RGS3: variants seen among roughly 807,000 people sequenced by gnomAD.
RGS3 encodes the protein regulator of G-protein signalling 3.
Under a neutral mutation model 132.6 loss-of-function variants are expected in RGS3, and 80 were observed. The ratio of observed to expected loss-of-function variants is 0.60; its 90% CI spans 0.50 to 0.73. The LOEUF is 0.73. RGS3 is among the 30% of genes least tolerant of loss of function. The probability of loss-of-function intolerance (pLI) is 0.00; values close to 1 mark genes in which losing one functional copy is unlikely to be tolerated. For synonymous variants in RGS3, 598 were observed against 620.6 expected (o/e 0.96, Z 0.54); for missense variants, 1,382 against 1,530.8 (o/e 0.90, Z 1.62).
At chr9:113,511,995 G>A (rs1831425236) in intron 14 of RGS3, among the ~76,000 whole-genome samples, 1 of 152,104 alleles carries the variant, frequency 6.6e-6, no homozygotes, top group Non-Finnish European at 1.5e-5. Flanking sequence ...ATAATCCCCT[G>A]ACTACTCACA....
At chr9:113,533,842 G>A (rs531604022) in intron 18 of RGS3, among the ~76,000 whole-genome samples, 16 of 152,194 alleles carry the variant, frequency 1.1e-4, no homozygotes, top group Admixed American at 2.0e-4. Context: ...GCTTCTCCCT[G>A]GGAAATCTTG....
intron 1 of RGS3, among the ~76,000 whole-genome samples, chr9:113,450,337 C>T (rs894332493): frequency 6.6e-6 from 1 of 152,116 alleles, no homozygotes. Flanking sequence ...TCCCAAAGTG[C>T]TGGGATTACA....
intron 14 of RGS3, among the ~76,000 whole-genome samples, chr9:113,512,006 C>G (rs1831425980): frequency 6.6e-6 from 1 of 152,180 alleles, no homozygotes; most frequent in Non-Finnish European, 1.5e-5. Flanking sequence ...ACTACTCACA[C>G]TGTGGTACAA....
At chr9:113,467,036 A>G (rs1829666493) in intron 3 of RGS3, among the ~76,000 whole-genome samples, 1 of 151,832 alleles carries the variant, frequency 6.6e-6, no homozygotes, top group Admixed American at 6.6e-5. Flanking sequence ...TCCATGTTGT[A>G]GCAGATATCA....
chr9:113,465,937 T>C (rs1393116503), intron 3 of RGS3, among the ~76,000 whole-genome samples: 1 of 152,216 alleles, frequency 6.6e-6, no homozygotes, highest in African/African-American at 2.4e-5. Flanking sequence ...TTCAGGCTGC[T>C]GATTTTCTTT....
intron 19 of RGS3, among the ~76,000 whole-genome samples, chr9:113,555,720 C>G (rs544328859): frequency 2.7e-4 from 41 of 152,320 alleles, no homozygotes; most frequent in African/African-American, 9.9e-4. Context: ...CTGCCTTGGC[C>G]TCCCAAAGTG....
chr9:113,485,086 A>G (rs1389836572), intron 6 of RGS3, among the ~76,000 whole-genome samples: 1 of 89,014 alleles, frequency 1.1e-5, no homozygotes, highest in African/African-American at 3.9e-5. Flanking sequence ...TATGTTTACA[A>G]AAATGGAATT....
At chr9:113,529,152 G>C in intron 17 of RGS3, 69 bp from the exon 16 acceptor site, 1 of 1,222,892 alleles carries the variant, frequency 8.2e-7, no homozygotes, top group Non-Finnish European at 1.2e-6. Flanking sequence ...ACAGCTGACT[G>C]TGCTGGAGCA....
At chr9:113,498,121 T>A (rs781751900) in intron 10 of RGS3, 41 bp downstream of exon 8, 4 of 1,587,944 alleles carry the variant, frequency 2.5e-6, no homozygotes, top group Non-Finnish European at 3.5e-6. Context: ...AGGAGCTGGA[T>A]CTGCTCCTTG....
chr9:113,583,511 G>C (rs914720676), exon 20 of RGS3: 24 of 1,614,094 alleles, frequency 1.5e-5, no homozygotes, highest in Non-Finnish European at 1.8e-5. Flanking sequence ...AAGGGGCCTG[G>C]TGCCGAGGAT....
At chr9:113,502,247 G>C (rs1443758882) in intron 10 of RGS3, among the ~76,000 whole-genome samples, 1 of 152,202 alleles carries the variant, frequency 6.6e-6, no homozygotes, top group Non-Finnish European at 1.5e-5. Flanking sequence ...CTAGAACTGT[G>C]ATGGGCCATT....
chr9:113,463,702 C>T lies in RGS3; in HGVS notation c.415+1501C>T. 6.9e-7 allele frequency: 1 copy of T among 1,439,790 alleles called. No homozygotes were observed. The allele number at this position is 1,439,790 out of a possible 1,614,324, so 89.2% of individuals were successfully genotyped here. A position where few individuals can be genotyped will look rare whatever the true frequency, so the allele number is the denominator to read the frequency against. On this transcript the variant is annotated intron_variant, in intron 3 of 24. Transcript: ENST00000350696. This position sits in a 1 kb window ranked among gnomAD's most constrained non-coding sequence, Gnocchi z 4.6. ...GTTCCAACGCTTGGGGCAGCCCTACCTCCCGCTCGCGCTCCTCCCGCCCTG... is the reference window on the plus strand; with the variant it reads ...GTTCCAACGCTTGGGGCAGCCCTACTTCCCGCTCGCGCTCCTCCCGCCCTG...
At chr9:113,501,689 A>T (rs1314683247) in intron 10 of RGS3, 7 of 1,485,856 alleles carry the variant, frequency 4.7e-6, no homozygotes, top group Non-Finnish European at 3.6e-6. Context: ...GGGTAGAGGG[A>T]CCATCTGAGA....
Position 113,565,909 on chromosome 9 carries a change from G to C in RGS3, c.2038-17541G>C, listed in dbSNP as rs868039253. On this transcript the variant is annotated intron_variant, in intron 19 of 24. Coordinates refer to ENST00000350696, the Ensembl canonical transcript of RGS3. This position sits in a 1 kb window ranked among gnomAD's most constrained non-coding sequence, Gnocchi z 5.7. Reference sequence around the variant, plus strand: ...TGTGTGTGTGTGTGTGTGTGTGTGTGTGTGTGTCTGTCTGTCTGTCTGTCT... The same window carrying C: ...TGTGTGTGTGTGTGTGTGTGTGTGTCTGTGTGTCTGTCTGTCTGTCTGTCT... 5.4e-5 allele frequency among the ~76,000 whole-genome samples: 8 copies of C among 146,824 alleles called. No homozygotes were observed. Among genetic ancestry groups the C allele is most frequent in the African/African-American group, 1.3e-4 (5 of 39,084 alleles).
At chr9:113,584,167 A>G in exon 20 of RGS3, 1 of 1,614,238 alleles carries the variant, frequency 6.2e-7, no homozygotes, top group African/African-American at 1.3e-5. Context: ...CAGCAGCATG[A>G]TCGAGACGGG....
chr9:113,507,504 C>T lies in RGS3; in HGVS notation c.1303C>T (p.Leu435=), dbSNP rs765847259. 1 of 1,610,852 alleles carries T rather than the reference C, an allele frequency of 6.2e-7. No homozygotes were observed. Among genetic ancestry groups the T allele is most frequent in the East Asian group, 2.2e-5 (1 of 44,782 alleles). Reference sequence around the variant, plus strand: ...GGTATGTGACAGCTCTGATGGGCTGCTGCTCGGCGGCTGGGAGCGCTACAC... The same window carrying T: ...GGTATGTGACAGCTCTGATGGGCTGTTGCTCGGCGGCTGGGAGCGCTACAC... Residue 435 remains leucine, a synonymous_variant, in exon 13 of 25, where the codon CTG becomes TTG. Coordinates refer to ENST00000350696, the Ensembl canonical transcript of RGS3. The surrounding 1 kb of genome is among the most constrained non-coding windows in gnomAD (Gnocchi z 5.0).
chr9:113,577,273 C>T (rs1049176836), intron 19 of RGS3, among the ~76,000 whole-genome samples: 7 of 152,230 alleles, frequency 4.6e-5, no homozygotes, highest in Admixed American at 2.6e-4. Context: ...CTTGAGCCAC[C>T]GTGCCTGGCC....
At chr9:113,524,961 C>T (rs1224456568) in intron 17 of RGS3, among the ~76,000 whole-genome samples, 3 of 152,186 alleles carry the variant, frequency 2.0e-5, no homozygotes, top group African/African-American at 2.4e-5. Context: ...AGAGACTCTC[C>T]AGGTGCTGAG....
chr9:113,446,144 G>A (rs1829095283), intron 1 of RGS3, among the ~76,000 whole-genome samples: 1 of 152,112 alleles, frequency 6.6e-6, no homozygotes, highest in Non-Finnish European at 1.5e-5. Context: ...TGATTAGAAG[G>A]TCCTTCTTAG....
Sources: allele counts gnomAD v4.1 joint callset (sites outside exome capture counted in the v4.1 genomes callset), GRCh38; gene constraint gnomAD v4.1.1; non-coding constraint Gnocchi (gnomAD v3.1); transcripts MANE v1.5; gene names NCBI Gene and HGNC (gene_info 2026-07-23, HGNC 2026-07-21).